SGMS1: variants seen among roughly 807,000 people sequenced by gnomAD.
SGMS1 encodes phosphatidylcholine:ceramide cholinephosphotransferase 1.
Under a neutral mutation model 46.2 loss-of-function variants are expected in SGMS1, and 13 were observed. The observed-to-expected ratio is 0.28, with a 90% CI of 0.18 to 0.45. SGMS1 has a LOEUF of 0.45. Ranked by LOEUF, SGMS1 falls within the 20% of genes least tolerant of loss-of-function variation. The pLI is 1.00. For synonymous variants in SGMS1, 203 were observed against 187.8 expected (o/e 1.08, Z -0.66); for missense variants, 324 against 519.9 (o/e 0.62, Z 3.66).
At chr10:50,524,888 T>C (rs952756261) in intron 2 of SGMS1, among the ~76,000 whole-genome samples, 11 of 152,148 alleles carry the variant, frequency 7.2e-5, no homozygotes, top group African/African-American at 2.4e-4. Flanking sequence ...GAGTAACTCA[T>C]CAGAATCCTT....
intron 1 of SGMS1, among the ~76,000 whole-genome samples, chr10:50,615,598 T>C (rs962713659): frequency 2.6e-5 from 4 of 152,228 alleles, no homozygotes; most frequent in East Asian, 3.8e-4. Flanking sequence ...CAGAGAGCTA[T>C]TGCTTATCTA....
intron 6 of SGMS1, among the ~76,000 whole-genome samples, chr10:50,397,856 T>A (rs1385935923): frequency 6.6e-6 from 1 of 152,154 alleles, no homozygotes. Context: ...GTCACTAAAA[T>A]CAAGTAAGTT....
intron 6 of SGMS1, among the ~76,000 whole-genome samples, chr10:50,348,232 A>G (rs1442129286): frequency 1.3e-5 from 2 of 152,256 alleles, no homozygotes; most frequent in Non-Finnish European, 2.9e-5. Flanking sequence ...TGCTGGAAGC[A>G]TTCCCTTTGA....
intron 7 of SGMS1, among the ~76,000 whole-genome samples, chr10:50,332,611 CTTTTTTT>C (rs150975310): frequency 5.5e-5 from 4 of 72,710 alleles, no homozygotes; most frequent in African/African-American, 1.8e-4. Context: ...TTTTTTAAGT[CTTTTTTT>C]TTTTTTTTTT....
intron 8 of SGMS1, among the ~76,000 whole-genome samples, chr10:50,317,967 C>T (rs1847374960): frequency 6.6e-6 from 1 of 152,058 alleles, no homozygotes; most frequent in Non-Finnish European, 1.5e-5. Flanking sequence ...CCACACCCGG[C>T]TAATTTTTTG....
chr10:50,315,137 T>A (rs1370294794), intron 8 of SGMS1, among the ~76,000 whole-genome samples: 1 of 152,198 alleles, frequency 6.6e-6, no homozygotes, highest in African/African-American at 2.4e-5. Flanking sequence ...GTTTACCAAA[T>A]TATTTAAAAA....
intron 3 of SGMS1, among the ~76,000 whole-genome samples, chr10:50,493,410 A>C (rs2133742716): frequency 6.6e-6 from 1 of 152,356 alleles, no homozygotes; most frequent in African/African-American, 2.4e-5. Flanking sequence ...GGCACAGGCA[A>C]AGATTTCATG....
At chr10:50,372,023 C>T (rs1049879146) in intron 6 of SGMS1, among the ~76,000 whole-genome samples, 1 of 152,146 alleles carries the variant, frequency 6.6e-6, no homozygotes, top group African/African-American at 2.4e-5. Flanking sequence ...ACATTCAAAC[C>T]ACCGCACTCT....
chr10:50,314,975 A>G (rs1328009441), intron 8 of SGMS1, among the ~76,000 whole-genome samples: 1 of 152,188 alleles, frequency 6.6e-6, no homozygotes, highest in East Asian at 1.9e-4. Context: ...TTAAATAACT[A>G]TTCAAAACCT....
rs1392848833 is a variant in SGMS1 at position 50,585,405 on chromosome 10, ACTC to A, written c.-589+4745_-589+4747del. Among the ~76,000 whole-genome samples the A allele has an allele frequency of 3.3e-5, 5 of 152,308 alleles. No homozygotes were observed. The East Asian group carries it at 9.6e-4, about 29-fold the overall frequency. Reference sequence around the variant, plus strand: ...TAATTGTGCAAACATCACATTACATACTCCTCATTACGGAAGCAAAAAATCAAA... The same window carrying A: ...TAATTGTGCAAACATCACATTACATACTCATTACGGAAGCAAAAAATCAAA... On this transcript the variant is annotated intron_variant, in intron 2 of 10. Coordinates refer to ENST00000361781, the MANE Select transcript of SGMS1 (RefSeq NM_147156.4).
chr10:50,623,715 G>C lies in SGMS1; in HGVS notation c.-692C>G. On this transcript the variant is annotated 5_prime_UTR_variant, in exon 1 of 11. Coordinates refer to ENST00000361781, the MANE Select transcript of SGMS1 (RefSeq NM_147156.4). Reference sequence around the variant, plus strand: ...CCTGCCCCACGACTCACTTGCACTGGAGTCACGGCAGCCGCCGGAATTCCG... The same window carrying C: ...CCTGCCCCACGACTCACTTGCACTGCAGTCACGGCAGCCGCCGGAATTCCG... The C allele has an allele frequency of 1.0e-6, 1 of 985,284 alleles. No individual in the cohort carries two copies. The highest frequency in any genetic ancestry group is 4.7e-5 in the South Asian group (1 of 21,294). The allele number at this position is 985,284 out of a possible 1,614,324, so 61.0% of individuals were successfully genotyped here.
chr10:50,590,506 C>T (rs1838530170), intron 1 of SGMS1: 1 of 151,864 alleles, frequency 6.6e-6, no homozygotes, highest in Non-Finnish European at 1.5e-5. Flanking sequence ...TTTTTTCCCT[C>T]CAACTTTATT....
intron 6 of SGMS1, among the ~76,000 whole-genome samples, chr10:50,382,725 G>T (rs1431237105): frequency 1.3e-5 from 2 of 152,094 alleles, no homozygotes; most frequent in Non-Finnish European, 2.9e-5. Context: ...CTAAGTTACA[G>T]CTCCTCTCAA....
chr10:50,415,358 TAA>T (rs1849155997), intron 6 of SGMS1, among the ~76,000 whole-genome samples: 1 of 152,202 alleles, frequency 6.6e-6, no homozygotes. Flanking sequence ...GTTATGAATC[TAA>T]AGTTTTCGAA....
intron 3 of SGMS1, among the ~76,000 whole-genome samples, chr10:50,494,012 T>G (rs1310452784): frequency 6.6e-6 from 1 of 152,234 alleles, no homozygotes; most frequent in Non-Finnish European, 1.5e-5. Context: ...TTGGCCAGGC[T>G]GGTCTCAAAC....
At chr10:50,496,407 A>G (rs1569962) in intron 3 of SGMS1, among the ~76,000 whole-genome samples, 89,953 of 151,886 alleles carry the variant, frequency 0.59, 26,753 homozygotes, top group Admixed American at 0.67. Context: ...GAACATCAAC[A>G]TACAGCTTCC....
At chr10:50,445,715 T>G (rs1174149796) in intron 5 of SGMS1, among the ~76,000 whole-genome samples, 1 of 152,128 alleles carries the variant, frequency 6.6e-6, no homozygotes, top group East Asian at 1.9e-4. Flanking sequence ...CTGTACAAAT[T>G]GTTTAAACAA....
chr10:50,535,306 G>A (rs779157152), intron 2 of SGMS1, among the ~76,000 whole-genome samples: 18 of 152,092 alleles, frequency 1.2e-4, no homozygotes, highest in Middle Eastern at 6.3e-3. Context: ...TTCATATGAA[G>A]CATGCCTATG....
intron 6 of SGMS1, among the ~76,000 whole-genome samples, chr10:50,366,161 A>C (rs1052176010): frequency 6.6e-6 from 1 of 152,184 alleles, no homozygotes; most frequent in South Asian, 2.1e-4. Context: ...AATGGGAGAA[A>C]ATTTTTGCAA....
Sources: allele counts gnomAD v4.1 joint callset (sites outside exome capture counted in the v4.1 genomes callset), GRCh38; gene constraint gnomAD v4.1.1; transcripts MANE v1.5; gene names NCBI Gene and HGNC (gene_info 2026-07-23, HGNC 2026-07-21).